The following SLIT2 variants were observed in gnomAD, a reference collection of about 807,000 sequenced individuals.
The protein encoded by SLIT2 is slit homolog 2 protein.
A neutral mutation model predicts 185.7 loss-of-function variants in SLIT2; 41 were observed. The observed-to-expected ratio is 0.22, with a 90% confidence interval of 0.17 to 0.29. SLIT2 has a LOEUF of 0.29. Among genes scored for constraint, SLIT2 ranks in the 10% least tolerant of loss-of-function variants. The pLI, the probability that SLIT2 is intolerant of heterozygous loss-of-function variation, is 1.00. For synonymous variants in SLIT2, 693 were observed against 680.2 expected (o/e 1.02, Z -0.29); for missense variants, 1,571 against 1,909.0 (o/e 0.82, Z 3.30).
At chr4:20,272,885 C>A (rs935259873) in intron 4 of SLIT2, among the ~76,000 whole-genome samples, 1 of 151,928 alleles carries the variant, frequency 6.6e-6, no homozygotes, top group East Asian at 1.9e-4. Flanking sequence ...AGTTTTGGAG[C>A]GACTAAATTA....
At chr4:20,370,859 G>C (rs776936176) in intron 4 of SLIT2, among the ~76,000 whole-genome samples, 15 of 152,042 alleles carry the variant, frequency 9.9e-5, no homozygotes, top group Non-Finnish European at 1.9e-4. Context: ...TTAAGCTTTG[G>C]AGAAAATGTA....
At chr4:20,358,083 T>C (rs1325981584) in intron 4 of SLIT2, among the ~76,000 whole-genome samples, 1 of 152,134 alleles carries the variant, frequency 6.6e-6, no homozygotes, top group Non-Finnish European at 1.5e-5. Context: ...TGTATTAATG[T>C]TGTTTTTAAC....
At chr4:20,268,723 C>A in intron 3 of SLIT2, 87 bp from the exon 4 acceptor site, 1 of 847,504 alleles carries the variant, frequency 1.2e-6, no homozygotes, top group Admixed American at 1.8e-5. Flanking sequence ...TTCTGAAATA[C>A]AGGATGAGGC....
At chr4:20,379,368 A>G (rs1055784933) in intron 4 of SLIT2, among the ~76,000 whole-genome samples, 1 of 152,222 alleles carries the variant, frequency 6.6e-6, no homozygotes, top group African/African-American at 2.4e-5. Flanking sequence ...AGAATACTTT[A>G]CAGATGATAT....
chr4:20,411,781 G>T lies in SLIT2; in HGVS notation c.396-55971G>T, dbSNP rs568512780. On this transcript the variant is annotated intron_variant, in intron 4 of 36. Coordinates refer to ENST00000504154, the MANE Select transcript of SLIT2 (RefSeq NM_004787.4). ...CAAAGCTGGAAAAAGGCAAATGCAG[G>T]GTGGATTGAGCCAATATGTTTTAAG... Among the ~76,000 whole-genome samples the T allele has an allele frequency of 9.2e-5, 14 of 152,216 alleles. No homozygotes were observed. In the South Asian group the frequency reaches 2.9e-3, roughly 32 times the overall value.
At position 20,531,985 on chromosome 4, in the gene SLIT2, C is replaced by T. The variant is rs774347105; in HGVS notation, c.1615C>T (p.Arg539Cys). Residue 539 changes from arginine to cysteine, a missense_variant and splice_region_variant, in exon 17 of 37, where the codon CGT (arginine) becomes TGT (cysteine). Arg to Cys is a radical substitution (Grantham distance 180). Around this residue, in one of 3 missense-constraint regions of SLIT2, gnomAD observed 1,202 missense variants for 1,416.4 expected, o/e 0.85. Coordinates refer to ENST00000504154, the MANE Select transcript of SLIT2 (RefSeq NM_004787.4). The stretch of plus-strand genomic sequence containing the variant: ...CTCTATTCCTTCTTTTTTCTTCAGG[C>T]GTCTCAATAATAATGAATTTACCGT... ...EHIPQYTAEL[R>C]LNNNEFTVLE... is the part of the protein sequence containing the mutation. The T allele has an allele frequency of 4.5e-6, 7 of 1,552,842 alleles. No individual in the cohort carries two copies. Among genetic ancestry groups the T allele is most frequent in the East Asian group, 2.3e-5 (1 of 43,426 alleles).
At chr4:20,367,892 T>G (rs1560358975) in intron 4 of SLIT2, among the ~76,000 whole-genome samples, 1 of 152,046 alleles carries the variant, frequency 6.6e-6, no homozygotes, top group Non-Finnish European at 1.5e-5. Context: ...CTTACAGGGG[T>G]AATAGGGCTT....
At chr4:20,409,260 C>G (rs1727013502) in intron 4 of SLIT2, among the ~76,000 whole-genome samples, 1 of 152,106 alleles carries the variant, frequency 6.6e-6, no homozygotes, top group South Asian at 2.1e-4. Flanking sequence ...GTGTGTTGTT[C>G]CCCACCATGT....
intron 4 of SLIT2, among the ~76,000 whole-genome samples, chr4:20,418,371 G>A (rs1450833191): frequency 6.6e-6 from 1 of 152,130 alleles, no homozygotes; most frequent in African/African-American, 2.4e-5. Context: ...CTTGCTTTCT[G>A]TCATTTTATG....
At chr4:20,416,437 C>A (rs954615280) in intron 4 of SLIT2, among the ~76,000 whole-genome samples, 1 of 152,088 alleles carries the variant, frequency 6.6e-6, no homozygotes, top group Admixed American at 6.5e-5. Context: ...CTTAAAGGTC[C>A]TATCACCAAA....
intron 4 of SLIT2, among the ~76,000 whole-genome samples, chr4:20,354,979 GTTCT>G (rs1722208744): frequency 6.6e-6 from 1 of 151,070 alleles, no homozygotes; most frequent in African/African-American, 2.4e-5. Context: ...CATCTTAGCT[GTTCT>G]TTCTTTTTCT....
At chr4:20,590,456 T>C (rs1727434465) in intron 30 of SLIT2, among the ~76,000 whole-genome samples, 1 of 152,202 alleles carries the variant, frequency 6.6e-6, no homozygotes, top group African/African-American at 2.4e-5. Context: ...ATGATTGGAC[T>C]ATCCAAGGTG....
chr4:20,410,741 A>G (rs2083905399), intron 4 of SLIT2, among the ~76,000 whole-genome samples: 1 of 151,896 alleles, frequency 6.6e-6, no homozygotes, highest in Admixed American at 6.6e-5. Context: ...GTGCAGTCTT[A>G]TTTCTGGGTT....
intron 4 of SLIT2, among the ~76,000 whole-genome samples, chr4:20,315,208 A>G (rs925116263): frequency 6.6e-6 from 1 of 152,136 alleles, no homozygotes; most frequent in Non-Finnish European, 1.5e-5. Context: ...ATTTCAAGAC[A>G]AAAGTACCAA....
intron 4 of SLIT2, among the ~76,000 whole-genome samples, chr4:20,281,688 G>A (rs1300185670): frequency 6.6e-6 from 1 of 152,172 alleles, no homozygotes; most frequent in Non-Finnish European, 1.5e-5. Context: ...ACAGGAACGT[G>A]AGGGAATGAG....
At chr4:20,284,707 T>C (rs1715101801) in intron 4 of SLIT2, among the ~76,000 whole-genome samples, 1 of 150,750 alleles carries the variant, frequency 6.6e-6, no homozygotes, top group Admixed American at 6.6e-5. Context: ...TAATTCTGTT[T>C]ACAAAATCCT....
rs1484056768 is a variant in SLIT2 at position 20,568,890 on chromosome 4, G to A, written c.2974G>A (p.Gly992Arg). The part of the protein sequence containing the change: ...FWCICADGFE[G>R]ENCEVNVDDC... ...GTGTATTTGTGCTGATGGATTTGAA[G>A]GAGAAAATTGTGAAGTCAACGTTGA... is the stretch of plus-strand genomic sequence containing the variant. Residue 992 changes from glycine to arginine, a missense_variant, in exon 29 of 37, where the codon GGA becomes AGA. By Grantham distance (125) the Gly-to-Arg change is moderately radical (BLOSUM62 -2). Transcript: ENST00000504154. The A allele has an allele frequency of 6.2e-7, 1 of 1,612,330 alleles. No homozygotes were observed. Among genetic ancestry groups the A allele is most frequent in the Admixed American group, 1.7e-5 (1 of 59,966 alleles).
intron 4 of SLIT2, among the ~76,000 whole-genome samples, chr4:20,332,159 C>T (rs1432030466): frequency 1.3e-5 from 2 of 152,108 alleles, no homozygotes; most frequent in Non-Finnish European, 2.9e-5. Context: ...TTACTTATTT[C>T]CTTTCCAATC....
At chr4:20,518,576 TATATATATATA>T (rs1399091227) in intron 11 of SLIT2, among the ~76,000 whole-genome samples, 10 of 23,966 alleles carry the variant, frequency 4.2e-4, no homozygotes, top group East Asian at 1.6e-3. Context: ...TATATATATA[TATATATATATA>T]TTTTTTTTTT....
Sources: allele counts gnomAD v4.1 joint callset (sites outside exome capture counted in the v4.1 genomes callset), GRCh38; gene constraint gnomAD v4.1.1; regional missense constraint gnomAD v4.1.1; transcripts MANE v1.5; gene names NCBI Gene and HGNC (gene_info 2026-07-23, HGNC 2026-07-21).